The following SYT7 variants were observed in gnomAD, a reference collection of about 807,000 sequenced individuals.
SYT7 encodes the protein synaptotagmin 7, also known as synaptotagmin-7.
Under a neutral mutation model 75.1 loss-of-function variants are expected in SYT7, and 29 were observed. The ratio of observed to expected loss-of-function variants is 0.39; its 90% CI spans 0.29 to 0.53. SYT7 has a LOEUF of 0.53. Ranked by LOEUF, SYT7 falls within the 20% of genes least tolerant of loss-of-function variation. SYT7 has a pLI of 0.77. For synonymous variants in SYT7, 376 were observed against 401.7 expected, an observed-to-expected ratio of 0.94 and a Z score of 0.76; for missense variants, 693 against 953.2, an observed-to-expected ratio of 0.73 and a Z score of 3.59.
chr11:61,517,848 G>C lies in SYT7; in HGVS notation c.*779C>G. 3.6e-6 allele frequency: 1 copy of C among 274,992 alleles called. No individual in the cohort carries two copies. The allele number at this position is 274,992 out of a possible 1,614,324, so 17.0% of individuals were successfully genotyped here. A position where few individuals can be genotyped will look rare whatever the true frequency, so the allele number is the denominator to read the frequency against. On this transcript the variant is annotated 3_prime_UTR_variant, in exon 13 of 13. Transcript: ENST00000539008. ...GGGGGGCACCAAGGGGAGAAGGGGA[G>C]GAGACGGGGGGATGGCAGGAGGCAG...
chr11:61,542,154 G>A lies in SYT7; in HGVS notation c.941+57C>T, dbSNP rs1241731966. 2.0e-6 allele frequency: 3 copies of A among 1,502,668 alleles called. No homozygotes were observed. The highest frequency in any genetic ancestry group is 2.7e-6 in the Non-Finnish European group (3 of 1,131,246). The allele number at this position is 1,502,668 out of a possible 1,614,324, so 93.1% of individuals were successfully genotyped here. ...ACCAGCTGCTCCCAAGGAGATCTGG[G>A]GGGCAGGAGGCTGGGTCAGGGAGGT... On this transcript the variant is annotated intron_variant, in intron 6 of 12. Transcript: ENST00000539008. The surrounding 1 kb of genome is among the most constrained non-coding windows in gnomAD (Gnocchi z 7.8).
chr11:61,552,556 A>T (rs1462878195), intron 2 of SYT7, among the ~76,000 whole-genome samples: 1 of 152,166 alleles, frequency 6.6e-6, no homozygotes, highest in Admixed American at 6.5e-5. Flanking sequence ...CAGCCACAAC[A>T]GTCAATTATT....
chr11:61,551,568 G>T lies in SYT7; in HGVS notation c.136-105C>A. The T allele has an allele frequency of 8.6e-7, 1 of 1,158,540 alleles. No individual in the cohort carries two copies. Among genetic ancestry groups the T allele is most frequent in the Non-Finnish European group, 1.3e-6 (1 of 793,500 alleles). The allele number at this position is 1,158,540 out of a possible 1,614,324, so 71.8% of individuals were successfully genotyped here. ...GAAGGAGATAGACTGGAGTCGGGCC[G>T]TGGCAACAAGGCCAGGACCAGTGTG... On this transcript the variant is annotated intron_variant, in intron 2 of 12. Transcript: ENST00000539008. This position sits in a 1 kb window ranked among gnomAD's most constrained non-coding sequence, Gnocchi z 5.3.
chr11:61,523,789 C>T lies in SYT7; in HGVS notation c.1756+38G>A. The T allele has an allele frequency of 6.3e-7, 1 of 1,596,258 alleles. No homozygotes were observed. The highest frequency in any genetic ancestry group is 1.1e-5 in the South Asian group (1 of 90,602). Reference sequence around the variant, plus strand: ...TGTAAACCTTGTGTCACCAGCACCTCCCCGGCCCGCCCATCCTCTGCTGGA... The same window carrying T: ...TGTAAACCTTGTGTCACCAGCACCTTCCCGGCCCGCCCATCCTCTGCTGGA... On this transcript the variant is annotated intron_variant, in intron 11 of 12. Transcript: ENST00000539008. This position sits in a 1 kb window ranked among gnomAD's most constrained non-coding sequence, Gnocchi z 5.0.
rs1294844398 is a variant in SYT7, at chr11:61,514,437, G to GT, written c.*4189_*4190insA. 6.6e-6 allele frequency among the ~76,000 whole-genome samples: 1 copy of GT among 152,260 alleles called. No homozygotes were observed. The stretch of plus-strand genomic sequence containing the variant: ...CCCCAAGTGCTGGGAGCAGAGGGCG[G>GT]ATGGGATGGCCCGCTTCACTCCTGG... On this transcript the variant is annotated 3_prime_UTR_variant, in exon 13 of 13. Coordinates refer to ENST00000539008, the MANE Select transcript of SYT7 (RefSeq NM_001365809.2).
At chr11:61,536,234 C>CA (rs2062866701) in intron 7 of SYT7, among the ~76,000 whole-genome samples, 1 of 152,154 alleles carries the variant, frequency 6.6e-6, no homozygotes, top group African/African-American at 2.4e-5. Flanking sequence ...AGGCAGGGGA[C>CA]AAGCTGATGT....
In SYT7 at chr11:61,542,739, G is replaced by A. The variant is rs1485802965; in HGVS notation, c.573-160C>T. Among the ~76,000 whole-genome samples, 3 of 152,202 alleles carry A rather than the reference G, an allele frequency of 2.0e-5. No individual in the cohort carries two copies. Among genetic ancestry groups the A allele is most frequent in the Non-Finnish European group, 2.9e-5 (2 of 68,012 alleles). On this transcript the variant is annotated intron_variant, in intron 5 of 12. Transcript: ENST00000539008. This position sits in a 1 kb window ranked among gnomAD's most constrained non-coding sequence, Gnocchi z 7.8. Reference sequence around the variant, plus strand: ...CGGAGCTGTCGCCACCGCCGTCGCCGCCACTGCCTCGCCCAGGAGGCTGCA... The same window carrying A: ...CGGAGCTGTCGCCACCGCCGTCGCCACCACTGCCTCGCCCAGGAGGCTGCA...
At chr11:61,563,302 G>A (rs1565203174) in intron 1 of SYT7, among the ~76,000 whole-genome samples, 3 of 152,172 alleles carry the variant, frequency 2.0e-5, no homozygotes, top group Admixed American at 6.5e-5. Flanking sequence ...GGCCAACTAC[G>A]TTACCCAGGG....
chr11:61,525,357 G>A (rs1044476303), intron 9 of SYT7, among the ~76,000 whole-genome samples: 8 of 152,072 alleles, frequency 5.3e-5, no homozygotes, highest in South Asian at 2.1e-4. Flanking sequence ...AATTTGGCCC[G>A]GCTGTCCTCT....
chr11:61,521,153 C>T (rs1305676890), intron 12 of SYT7, among the ~76,000 whole-genome samples: 1 of 152,222 alleles, frequency 6.6e-6, no homozygotes, highest in African/African-American at 2.4e-5. Context: ...TACTGATAGC[C>T]TTGGATGATG....
intron 7 of SYT7, among the ~76,000 whole-genome samples, chr11:61,537,712 AG>A (rs746687051): frequency 2.0e-5 from 3 of 152,172 alleles, no homozygotes; most frequent in Admixed American, 6.5e-5. Flanking sequence ...AGGGAGGTTG[AG>A]GGGGTGGGGA....
At chr11:61,529,186 G>T (rs2062626283) in intron 8 of SYT7, among the ~76,000 whole-genome samples, 1 of 152,144 alleles carries the variant, frequency 6.6e-6, no homozygotes, top group South Asian at 2.1e-4. Flanking sequence ...ACTGGATGAG[G>T]GACAGAAGTA....
chr11:61,533,988 C>T (rs2062788953), intron 7 of SYT7, among the ~76,000 whole-genome samples: 1 of 152,044 alleles, frequency 6.6e-6, no homozygotes, highest in Non-Finnish European at 1.5e-5. Context: ...CATGCCGTTC[C>T]CAGGATGCTG....
Position 61,518,623 on chromosome 11 carries a change from C to T in SYT7, c.*4G>A, listed in dbSNP as rs1046632411. ...TCGGCCCCCTGGGCCTCCCTTGGCC[C>T]CACTCAGGCCTTCAGCTGGTGCCAC... On this transcript the variant is annotated 3_prime_UTR_variant, in exon 13 of 13. Coordinates refer to ENST00000539008, the MANE Select transcript of SYT7 (RefSeq NM_001365809.2). 10 of 1,541,672 alleles carry T rather than the reference C, an allele frequency of 6.5e-6. No homozygotes were observed. In the African/African-American group the frequency reaches 1.2e-4, roughly 19 times the overall value.
rs10682064 is a variant in SYT7 at position 61,567,343 on chromosome 11, GC to G, written c.32-11137del. ...TTAGGATGGAGCCATTGAGCGCCCCGCCCCCCAGAGCTGTCCAAGGTGCTGA... is the reference window on the plus strand; with the variant it reads ...TTAGGATGGAGCCATTGAGCGCCCCGCCCCCAGAGCTGTCCAAGGTGCTGA... On this transcript the variant is annotated intron_variant, in intron 1 of 12. Coordinates refer to ENST00000539008, the MANE Select transcript of SYT7 (RefSeq NM_001365809.2). 2.8e-3 allele frequency among the ~76,000 whole-genome samples: 420 copies of G among 150,754 alleles called. 4 individuals carry two copies. Among genetic ancestry groups the G allele is most frequent in the Non-Finnish European group, 4.2e-3 (283 of 67,918 alleles).
rs2064220257 is a variant in SYT7 at position 61,580,338 on chromosome 11, G to A, written c.31+452C>T. On this transcript the variant is annotated intron_variant, in intron 1 of 12. Coordinates refer to ENST00000539008, the MANE Select transcript of SYT7 (RefSeq NM_001365809.2). The surrounding 1 kb of genome is among the most constrained non-coding windows in gnomAD (Gnocchi z 6.1). Reference sequence around the variant, plus strand: ...CCTCTCAATTCACAGTTGGCACTGCGATGCCACTCCGCTCCCCTGTGCCCG... The same window carrying A: ...CCTCTCAATTCACAGTTGGCACTGCAATGCCACTCCGCTCCCCTGTGCCCG... 6.6e-6 allele frequency among the ~76,000 whole-genome samples: 1 copy of A among 151,992 alleles called. No homozygotes were observed. Among genetic ancestry groups the A allele is most frequent in the Admixed American group, 6.5e-5 (1 of 15,276 alleles).
intron 7 of SYT7, among the ~76,000 whole-genome samples, chr11:61,536,940 GT>G (rs1480790265): frequency 2.0e-5 from 3 of 152,216 alleles, no homozygotes; most frequent in Admixed American, 6.5e-5. Context: ...CCAAAGGCCT[GT>G]TTCCCTCATG....
chr11:61,553,969 G>A lies in SYT7; in HGVS notation c.135+2135C>T, dbSNP rs1274896300. On this transcript the variant is annotated intron_variant, in intron 2 of 12. Transcript: ENST00000539008. The surrounding 1 kb of genome is among the most constrained non-coding windows in gnomAD (Gnocchi z 5.2). ...CCCTGGCTTCTGGAACCCCTGAGGC[G>A]GAGGGGAGGGGGTGGCAGGGCTTGG... Among the ~76,000 whole-genome samples, 4 of 152,070 alleles carry A rather than the reference G, an allele frequency of 2.6e-5. No individual in the cohort carries two copies. Among genetic ancestry groups the A allele is most frequent in the African/African-American group, 4.8e-5 (2 of 41,374 alleles).
intron 2 of SYT7, among the ~76,000 whole-genome samples, chr11:61,554,047 C>T (rs1182451331): frequency 4.6e-5 from 7 of 152,002 alleles, no homozygotes; most frequent in African/African-American, 1.7e-4. Flanking sequence ...GGACAGCCTG[C>T]GGTCTGGACC....
Sources: gnomAD v4.1 joint callset for allele counts (sites outside exome capture counted in the v4.1 genomes callset) on GRCh38, gnomAD v4.1.1 for gene constraint, Gnocchi (gnomAD v3.1) non-coding constraint, MANE v1.5 for transcripts, NCBI Gene and HGNC (gene_info 2026-07-23, HGNC 2026-07-21) for gene names.